The following TBC1D19 variants were observed in gnomAD, a reference collection of about 807,000 sequenced individuals.
TBC1D19 encodes the protein TBC1 domain family, member 19.
In TBC1D19, 60 loss-of-function variants were observed where a neutral mutation model predicts 89.0. The observed-to-expected ratio is 0.67, with a 90% CI of 0.55 to 0.84. The LOEUF (loss-of-function observed/expected upper bound fraction) is 0.84. Ranked by LOEUF, TBC1D19 falls within the 40% of genes least tolerant of loss-of-function variation. The pLI, the probability that TBC1D19 is intolerant of heterozygous loss-of-function variation, is 0.00. For synonymous variants in TBC1D19, 189 were observed against 199.7 expected (o/e 0.95, Z 0.45); for missense variants, 500 against 610.8 (o/e 0.82, Z 1.91).
chr4:26,799,393 A>G, the TBC1D19 span, among the ~76,000 whole-genome samples: 2 of 152,196 alleles, frequency 1.3e-5, no homozygotes, highest in African/African-American at 4.8e-5. Context: ...GAGCTTTTTA[A>G]TTAAGGTTGG....
rs559578682 is a variant in TBC1D19 at position 26,678,449 on chromosome 4, T to A, written c.816+4561T>A. 4.6e-5 allele frequency among the ~76,000 whole-genome samples: 7 copies of A among 152,168 alleles called. No individual in the cohort carries two copies. In the South Asian group the frequency reaches 1.2e-3, roughly 27 times the overall value. ...ATTTAAAGGGGAAAGAGCGAGGTAT[T>A]GAGAAGTACACAATTTTTATGTAAG... is the stretch of plus-strand genomic sequence containing the variant. On this transcript the variant is annotated intron_variant, in intron 11 of 20. Coordinates refer to ENST00000264866, the MANE Select transcript of TBC1D19 (RefSeq NM_018317.4).
the TBC1D19 span, among the ~76,000 whole-genome samples, chr4:26,765,643 G>A: frequency 6.6e-6 from 1 of 152,118 alleles, no homozygotes; most frequent in East Asian, 1.9e-4. Flanking sequence ...TACTGCTGTG[G>A]TCTAGATCAT....
intron 1 of TBC1D19, among the ~76,000 whole-genome samples, chr4:26,606,033 G>A (rs1577789420): frequency 1.3e-5 from 2 of 152,190 alleles, no homozygotes; most frequent in Admixed American, 6.5e-5. Flanking sequence ...TAATTTTTTT[G>A]AGATGTAGTC....
chr4:26,578,240 C>A (rs770928051), intron 1 of TBC1D19, among the ~76,000 whole-genome samples: 1 of 152,210 alleles, frequency 6.6e-6, no homozygotes. Context: ...ACATTTGGCT[C>A]TGCTCCCAAA....
chr4:26,587,848 A>G (rs977055830), intron 1 of TBC1D19, among the ~76,000 whole-genome samples: 2 of 151,170 alleles, frequency 1.3e-5, no homozygotes, highest in Non-Finnish European at 2.9e-5. Flanking sequence ...CAGGTTATCT[A>G]TTTCTTCTTC....
the TBC1D19 span, among the ~76,000 whole-genome samples, chr4:26,847,813 G>A: frequency 6.6e-6 from 1 of 152,198 alleles, no homozygotes; most frequent in African/African-American, 2.4e-5. Context: ...GGTAAGAAAA[G>A]ATCAGATGAC....
chr4:26,620,564 T>C, intron 3 of TBC1D19, 49 bp from the exon 4 acceptor site: 1 of 1,508,680 alleles, frequency 6.6e-7, no homozygotes, highest in Middle Eastern at 1.7e-4. Flanking sequence ...AAGTAATATC[T>C]AACCAAGAGA....
intron 8 of TBC1D19, among the ~76,000 whole-genome samples, chr4:26,664,187 T>C (rs74530395): frequency 6.6e-6 from 1 of 152,024 alleles, no homozygotes; most frequent in Non-Finnish European, 1.5e-5. Flanking sequence ...TGGGTAGAGG[T>C]TGATAAAGGA....
At chr4:26,591,389 A>T (rs898320689) in intron 1 of TBC1D19, among the ~76,000 whole-genome samples, 31 of 151,938 alleles carry the variant, frequency 2.0e-4, no homozygotes, top group Non-Finnish European at 4.0e-4. Context: ...AACAGGAATT[A>T]AAAAAAATTA....
At chr4:26,647,676 T>A (rs1269715224) in intron 7 of TBC1D19, among the ~76,000 whole-genome samples, 1 of 152,166 alleles carries the variant, frequency 6.6e-6, no homozygotes, top group Non-Finnish European at 1.5e-5. Flanking sequence ...CTGGTTACTG[T>A]CCTTCTGATT....
At chr4:26,813,919 T>A in the TBC1D19 span, among the ~76,000 whole-genome samples, 1 of 152,160 alleles carries the variant, frequency 6.6e-6, no homozygotes, top group Non-Finnish European at 1.5e-5. Flanking sequence ...TGCCTGTCAC[T>A]GGCACCGCCT....
intron 20 of TBC1D19, 73 bp from the exon 21 acceptor site, chr4:26,754,800 C>A: frequency 4.1e-6 from 5 of 1,212,034 alleles, no homozygotes; most frequent in East Asian, 2.6e-5. Context: ...GTCAAAATTA[C>A]ATTGTAATTA....
At chr4:26,746,045 T>A (rs973907021) in intron 18 of TBC1D19, among the ~76,000 whole-genome samples, 2 of 152,206 alleles carry the variant, frequency 1.3e-5, no homozygotes, top group Admixed American at 6.5e-5. Flanking sequence ...ATTTATAAGT[T>A]TATGTCTTTT....
intron 4 of TBC1D19, among the ~76,000 whole-genome samples, chr4:26,621,914 TA>T (rs1359431383): frequency 1.3e-5 from 2 of 152,014 alleles, no homozygotes; most frequent in African/African-American, 4.8e-5. Context: ...TATGCAGCCA[TA>T]AAAAATGATG....
the TBC1D19 span, among the ~76,000 whole-genome samples, chr4:26,799,944 C>CT: frequency 0.29 from 38,143 of 129,580 alleles, 5,858 homozygotes; most frequent in South Asian, 0.46. Flanking sequence ...ACAGAGAATT[C>CT]TTTTTTTTAA....
At chr4:26,585,872 A>G (rs1213962542) in intron 1 of TBC1D19, among the ~76,000 whole-genome samples, 1 of 152,118 alleles carries the variant, frequency 6.6e-6, no homozygotes, top group African/African-American at 2.4e-5. Context: ...GACGTGAGCC[A>G]CCACACCCTG....
chr4:26,749,831 T>C (rs1211389631), intron 19 of TBC1D19, among the ~76,000 whole-genome samples: 1 of 152,172 alleles, frequency 6.6e-6, no homozygotes, highest in Non-Finnish European at 1.5e-5. Flanking sequence ...CCTGGTATAA[T>C]CAGAGATACC....
At chr4:26,624,579 A>C (rs1742270073) in intron 4 of TBC1D19, among the ~76,000 whole-genome samples, 1 of 152,128 alleles carries the variant, frequency 6.6e-6, no homozygotes, top group Non-Finnish European at 1.5e-5. Flanking sequence ...TAACAGTTTA[A>C]AAACATTTTT....
Position 26,584,097 on chromosome 4 carries a change from C to A in TBC1D19, c.-97C>A. 8.1e-7 allele frequency: 1 copy of A among 1,228,660 alleles called. No homozygotes were observed. Among genetic ancestry groups the A allele is most frequent in the South Asian group, 1.3e-5 (1 of 75,592 alleles). 76.1% of individuals were successfully genotyped at this position (1,228,660 alleles called of 1,614,324 possible). On this transcript the variant is annotated 5_prime_UTR_variant, in exon 1 of 21. Coordinates refer to ENST00000264866, the MANE Select transcript of TBC1D19 (RefSeq NM_018317.4). ...TGGAGGAGTCCCAGTGTAATAAGGT[C>A]CCGGAGAAGTGTCACTGGCCCTGAG... is the stretch of plus-strand genomic sequence containing the variant.
Sources: gnomAD v4.1 joint callset for allele counts (sites outside exome capture counted in the v4.1 genomes callset) on GRCh38, gnomAD v4.1.1 for gene constraint, MANE v1.5 for transcripts, NCBI Gene and HGNC (gene_info 2026-07-23, HGNC 2026-07-21) for gene names.